POLH: variants seen among roughly 807,000 people sequenced by gnomAD.
POLH encodes the protein DNA polymerase eta, also known as DNA polymerase eta transcript.
A neutral mutation model predicts 73.6 loss-of-function variants in POLH; 53 were observed. The ratio of observed to expected loss-of-function variants is 0.72; its 90% CI spans 0.58 to 0.91. The LOEUF is 0.91. POLH is among the 40% of genes least tolerant of loss of function. POLH has a pLI of 0.00. For missense variants in POLH, 768 were observed against 865.4 expected (o/e 0.89, Z 1.41); for synonymous variants, 292 against 308.5 (o/e 0.95, Z 0.56).
chr6:43,606,434 CCTT>C (rs1291036618), intron 9 of POLH, among the ~76,000 whole-genome samples: 2 of 151,614 alleles, frequency 1.3e-5, no homozygotes, highest in South Asian at 2.1e-4. Flanking sequence ...TAGTTTCTCT[CCTT>C]TTTTTTTTTG....
In POLH at chr6:43,589,029, A is replaced by G. The variant is rs1394825515; in HGVS notation, c.490+1540A>G. ...ATTTTTTTGTATTTTTAGTAGAGACAGGGTTTCACCGTGTTAGCCAAGATG... is the reference window on the plus strand; with the variant it reads ...ATTTTTTTGTATTTTTAGTAGAGACGGGGTTTCACCGTGTTAGCCAAGATG... On this transcript the variant is annotated intron_variant, in intron 4 of 10. Transcript: ENST00000372236. Among the ~76,000 whole-genome samples, 17 of 151,498 alleles carry G rather than the reference A, an allele frequency of 1.1e-4. 1 individual carries two copies. In the East Asian group the frequency reaches 2.0e-3, roughly 18 times the overall value.
chr6:43,576,391 G>A lies in POLH; in HGVS notation c.-54G>A, dbSNP rs1763343263. On this transcript the variant is annotated 5_prime_UTR_variant, in exon 1 of 11. Coordinates refer to ENST00000372236, the MANE Select transcript of POLH (RefSeq NM_006502.3). ...TTCCTTCCAGTAGGCACCGAACCCA[G>A]CATTTTCGGCAACCGCTGCTGGCAG... is the stretch of plus-strand genomic sequence containing the variant. 6.6e-6 allele frequency: 1 copy of A among 152,316 alleles called. No homozygotes were observed. Among genetic ancestry groups the A allele is most frequent in the Non-Finnish European group, 1.5e-5 (1 of 68,098 alleles). 9.4% of individuals were successfully genotyped at this position (152,316 alleles called of 1,614,324 possible). A position where few individuals can be genotyped will look rare whatever the true frequency, so the allele number is the denominator to read the frequency against.
At chr6:43,595,769 C>A (rs141588070) in intron 4 of POLH, among the ~76,000 whole-genome samples, 3 of 151,530 alleles carry the variant, frequency 2.0e-5, no homozygotes, top group Middle Eastern at 3.4e-3. Context: ...GGCAACAGAG[C>A]GAGATTCTAT....
At chr6:43,581,691 C>T (rs1582269146) in intron 1 of POLH, among the ~76,000 whole-genome samples, 1 of 145,324 alleles carries the variant, frequency 6.9e-6, no homozygotes, top group Admixed American at 6.7e-5. Flanking sequence ...GCGGCGGCTG[C>T]GGTCGGTCGC....
At chr6:43,599,223 A>T (rs1030636202) in intron 5 of POLH, among the ~76,000 whole-genome samples, 2 of 151,954 alleles carry the variant, frequency 1.3e-5, no homozygotes, top group African/African-American at 4.8e-5. Flanking sequence ...TCCTGACCTC[A>T]AGTGATTCAC....
At chr6:43,603,815 AG>A (rs1249754925) in intron 6 of POLH, 76 bp from the exon 7 acceptor site, 18 of 1,461,658 alleles carry the variant, frequency 1.2e-5, no homozygotes, top group Non-Finnish European at 1.5e-5. Flanking sequence ...CTGTTTACAA[AG>A]TAGAATGTCT....
At chr6:43,584,345 C>T (rs1443049406) in intron 3 of POLH, among the ~76,000 whole-genome samples, 1 of 152,018 alleles carries the variant, frequency 6.6e-6, no homozygotes, top group African/African-American at 2.4e-5. Context: ...GGCATACAGA[C>T]CCACATTGGA....
At chr6:43,578,390 A>AAACAAC (rs370122518) in intron 1 of POLH, 10 of 436,710 alleles carry the variant, frequency 2.3e-5, no homozygotes, top group Non-Finnish European at 4.1e-5. Flanking sequence ...TCTAACTCAA[A>AAACAAC]AACAACAACA....
chr6:43,591,668 G>C (rs1582286643), intron 4 of POLH, among the ~76,000 whole-genome samples: 1 of 150,344 alleles, frequency 6.7e-6, no homozygotes. Context: ...ATAATGCCTT[G>C]AATTTGTGGC....
At position 43,603,839 on chromosome 6, in the gene POLH, T is replaced by C. The variant is rs1766995808; in HGVS notation, c.765-53T>C. 32 of 1,594,146 alleles carry C rather than the reference T, an allele frequency of 2.0e-5. 1 individual carries two copies. In the South Asian group the frequency reaches 3.4e-4, roughly 17 times the overall value. Reference sequence around the variant, plus strand: ...AAGTAGAATGTCTTACGTTTGCTGCTAATTAGATAGTTATGATGTGACCTA... The same window carrying C: ...AAGTAGAATGTCTTACGTTTGCTGCCAATTAGATAGTTATGATGTGACCTA... On this transcript the variant is annotated intron_variant, in intron 6 of 10. Transcript: ENST00000372236.
In POLH at chr6:43,583,052, A is replaced by G; in HGVS notation, c.183A>G (p.Arg61=). The G allele has an allele frequency of 6.2e-7, 1 of 1,613,586 alleles. No individual in the cohort carries two copies. The highest frequency in any genetic ancestry group is 8.5e-7 in the Non-Finnish European group (1 of 1,179,576). Residue 61 remains arginine (R), a synonymous_variant, in exon 3 of 11, where the codon AGA becomes AGG. Coordinates refer to ENST00000372236, the MANE Select transcript of POLH (RefSeq NM_006502.3). ...AAGCTCGTGCATTTGGAGTCACTAG[A>G]AGTATGTGGGCAGATGATGCTAAGA... ...SYEARAFGVT[R]SMWADDAKKL...
At chr6:43,584,663 G>A (rs1764610291) in intron 3 of POLH, among the ~76,000 whole-genome samples, 1 of 152,094 alleles carries the variant, frequency 6.6e-6, no homozygotes. Flanking sequence ...CATGTTGAGG[G>A]CTCAATACCA....
rs756265779 is a variant in POLH at position 43,620,364 on chromosome 6, C to T, written c.*5807C>T. 1.8e-5 allele frequency: 9 copies of T among 503,956 alleles called. No homozygotes were observed. Among genetic ancestry groups the T allele is most frequent in the South Asian group, 5.8e-5 (4 of 68,952 alleles). The allele number at this position is 503,956 out of a possible 1,614,324, so 31.2% of individuals were successfully genotyped here. A position where few individuals can be genotyped will look rare whatever the true frequency, so the allele number is the denominator to read the frequency against. On this transcript the variant is annotated 3_prime_UTR_variant, in exon 11 of 11. Transcript: ENST00000372236. ...TGGAGGAGAGAAAAACAATGGTGAA[C>T]GAGATACCAGCTGGGCTCTTTCCAC...
intron 3 of POLH, among the ~76,000 whole-genome samples, chr6:43,586,534 A>G (rs1307537108): frequency 3.3e-5 from 5 of 152,232 alleles, no homozygotes; most frequent in African/African-American, 1.2e-4. Flanking sequence ...AAAACTAGGT[A>G]TAGAGCCAGA....
At chr6:43,588,931 G>A (rs1187466859) in intron 4 of POLH, among the ~76,000 whole-genome samples, 2 of 149,892 alleles carry the variant, frequency 1.3e-5, no homozygotes, top group Non-Finnish European at 2.9e-5. Context: ...TCCGCCTCCC[G>A]GGTTCACGCC....
chr6:43,591,387 T>G (rs1182616170), intron 4 of POLH: 3 of 152,332 alleles, frequency 2.0e-5, no homozygotes, highest in Non-Finnish European at 4.4e-5. Flanking sequence ...TTGTGAGATC[T>G]TGGCACACTG....
At chr6:43,606,813 T>G (rs1767356718) in intron 9 of POLH, among the ~76,000 whole-genome samples, 1 of 152,188 alleles carries the variant, frequency 6.6e-6, no homozygotes, top group Middle Eastern at 3.2e-3. Context: ...TCAGTGGTTT[T>G]AGTATATTGC....
At chr6:43,587,145 T>A in intron 3 of POLH, 127 bp from the exon 4 acceptor site, 2 of 787,252 alleles carry the variant, frequency 2.5e-6, no homozygotes, top group East Asian at 2.4e-5. Context: ...TATTGTCTAG[T>A]CTCTGTTAAG....
chr6:43,594,956 G>C (rs1354666883), intron 4 of POLH, among the ~76,000 whole-genome samples: 1 of 151,280 alleles, frequency 6.6e-6, no homozygotes, highest in Admixed American at 6.6e-5. Context: ...CTGGGGAGGT[G>C]GGGGGCATAT....
Sources: gnomAD v4.1 joint callset for allele counts (sites outside exome capture counted in the v4.1 genomes callset) on GRCh38, gnomAD v4.1.1 for gene constraint, MANE v1.5 for transcripts, NCBI Gene and HGNC (gene_info 2026-07-23, HGNC 2026-07-21) for gene names.